ZNF618: variants seen among roughly 807,000 people sequenced by gnomAD.
ZNF618 encodes the protein neural precursor cell expressed, developmentally down-regulated 10.
ZNF618 carries 34 observed loss-of-function variants against 103.0 expected under a neutral mutation model. The observed-to-expected ratio is 0.33, with a 90% CI of 0.25 to 0.44. The LOEUF (loss-of-function observed/expected upper bound fraction) is 0.44. Among genes scored for constraint, ZNF618 ranks in the 20% least tolerant of loss-of-function variants. ZNF618 has a pLI of 1.00. For missense variants in ZNF618, 1,059 were observed against 1,295.4 expected (o/e 0.82, Z 2.80); for synonymous variants, 551 against 542.2 (o/e 1.02, Z -0.23).
chr9:114,026,224 A>G (rs543234073), intron 10 of ZNF618, among the ~76,000 whole-genome samples: 1 of 152,338 alleles, frequency 6.6e-6, no homozygotes, highest in East Asian at 1.9e-4. Flanking sequence ...TTGAAAGAGA[A>G]AGGATATTGT....
intron 9 of ZNF618, 28 bp from the exon 10 acceptor site, chr9:114,016,667 C>G: frequency 1.2e-6 from 2 of 1,602,456 alleles, no homozygotes. Context: ...GTTGCACATT[C>G]TTACACCTTC....
At chr9:114,021,490 C>G (rs1479076162) in intron 10 of ZNF618, among the ~76,000 whole-genome samples, 1 of 152,074 alleles carries the variant, frequency 6.6e-6, no homozygotes, top group African/African-American at 2.4e-5. Context: ...CTAGGATTAG[C>G]AGAATGCCTA....
chr9:113,960,879 G>A (rs2132562457), intron 1 of ZNF618, among the ~76,000 whole-genome samples: 1 of 152,204 alleles, frequency 6.6e-6, no homozygotes, highest in African/African-American at 2.4e-5. Context: ...CTCTGGCCTT[G>A]GGGTCTAGTC....
intron 1 of ZNF618, among the ~76,000 whole-genome samples, chr9:113,926,471 T>G (rs1833107584): frequency 6.6e-6 from 1 of 152,126 alleles, no homozygotes; most frequent in Non-Finnish European, 1.5e-5. Flanking sequence ...CTTCTGTTTT[T>G]TCTTTCTTTT....
intron 2 of ZNF618, among the ~76,000 whole-genome samples, chr9:113,981,463 G>C (rs1838969518): frequency 6.6e-6 from 1 of 152,206 alleles, no homozygotes; most frequent in African/African-American, 2.4e-5. Context: ...GGGGTAGGCA[G>C]CCAGCCCAGG....
rs373784372 is a variant in ZNF618, at chr9:113,952,299, T to C, written c.34-16818T>C. 9.8e-5 allele frequency among the ~76,000 whole-genome samples: 15 copies of C among 152,310 alleles called. 1 individual carries two copies. The highest frequency in any genetic ancestry group is 3.6e-4 in the African/African-American group (15 of 41,568). On this transcript the variant is annotated intron_variant, in intron 1 of 14. Coordinates refer to ENST00000374126, the MANE Select transcript of ZNF618 (RefSeq NM_001318042.2). Reference sequence around the variant, plus strand: ...TGGGATCTTCCAGAAGGATCCAGAATTGGAATATCCTGGCAAGGAATACCA... The same window carrying C: ...TGGGATCTTCCAGAAGGATCCAGAACTGGAATATCCTGGCAAGGAATACCA...
Position 114,036,224 on chromosome 9 carries a change from A to G in ZNF618, c.1169-76A>G, listed in dbSNP as rs1844588025. 11 of 1,442,112 alleles carry G rather than the reference A, an allele frequency of 7.6e-6. No individual in the cohort carries two copies. The South Asian group carries it at 1.4e-4, about 18-fold the overall frequency. 89.3% of individuals were successfully genotyped at this position (1,442,112 alleles called of 1,614,324 possible). A position where few individuals can be genotyped will look rare whatever the true frequency, so the allele number is the denominator to read the frequency against. On this transcript the variant is annotated intron_variant, in intron 12 of 14. Transcript: ENST00000374126. ...GGTGTGTGTTTGGGTTCCCACTTGC[A>G]AAGCTGCCTGCAGCCCAGCAGAAGG...
intron 13 of ZNF618, 105 bp from the exon 14 acceptor site, chr9:114,047,788 C>A: frequency 1.1e-6 from 1 of 925,008 alleles, no homozygotes; most frequent in Non-Finnish European, 1.7e-6. Flanking sequence ...GCCTGAGTCC[C>A]AATGGCCACA....
intron 2 of ZNF618, among the ~76,000 whole-genome samples, chr9:113,986,954 T>A (rs1477910225): frequency 6.6e-6 from 1 of 152,122 alleles, no homozygotes; most frequent in African/African-American, 2.4e-5. Context: ...GCAAGCCCAT[T>A]GTAGATGGAG....
chr9:113,988,291 A>G lies in ZNF618; in HGVS notation c.78-30A>G, dbSNP rs1171530611. 4.4e-6 allele frequency: 7 copies of G among 1,591,644 alleles called. No individual in the cohort carries two copies. The African/African-American group carries it at 5.4e-5, about 12-fold the overall frequency. ...GCTCCTGTGTTGATCTGGAGGAAGAAGGTATTGAACGGAGTTTCTTCTTTC... is the reference window on the plus strand; with the variant it reads ...GCTCCTGTGTTGATCTGGAGGAAGAGGGTATTGAACGGAGTTTCTTCTTTC... On this transcript the variant is annotated intron_variant, in intron 2 of 14. Transcript: ENST00000374126.
intron 3 of ZNF618, among the ~76,000 whole-genome samples, chr9:113,994,732 A>G (rs561747304): frequency 4.6e-5 from 7 of 152,348 alleles, no homozygotes; most frequent in African/African-American, 1.4e-4. Flanking sequence ...GAACCTCAGG[A>G]CATTGATGCC....
At chr9:113,950,835 A>G (rs556177228) in intron 1 of ZNF618, among the ~76,000 whole-genome samples, 1 of 151,796 alleles carries the variant, frequency 6.6e-6, no homozygotes, top group Admixed American at 6.6e-5. Flanking sequence ...GATGTCTAGG[A>G]TGAGAGTTAA....
At chr9:114,000,010 A>C (rs1225735266) in intron 4 of ZNF618, among the ~76,000 whole-genome samples, 1 of 152,228 alleles carries the variant, frequency 6.6e-6, no homozygotes, top group Non-Finnish European at 1.5e-5. Flanking sequence ...GCTGTGTGCC[A>C]ATCACAGGGC....
At chr9:113,988,651 G>A in intron 3 of ZNF618, 71 bp downstream of exon 3, 1 of 1,500,554 alleles carries the variant, frequency 6.7e-7, no homozygotes, top group Non-Finnish European at 8.9e-7. Context: ...CTGGGGAAAA[G>A]CGGCCTGGCG....
At chr9:113,950,118 T>G (rs943799956) in intron 1 of ZNF618, among the ~76,000 whole-genome samples, 40 of 152,324 alleles carry the variant, frequency 2.6e-4, no homozygotes, top group African/African-American at 9.6e-4. Context: ...AGAAAGAGGC[T>G]TCAAAATCTC....
chr9:113,959,759 C>T (rs1271849118), intron 1 of ZNF618, among the ~76,000 whole-genome samples: 1 of 152,178 alleles, frequency 6.6e-6, no homozygotes, highest in African/African-American at 2.4e-5. Context: ...AGGAGTCCAC[C>T]ACCATGCCTG....
chr9:114,012,102 C>CCT (rs59023503), intron 9 of ZNF618, among the ~76,000 whole-genome samples: 147,621 of 152,204 alleles, frequency 0.97, 71,693 homozygotes, highest in Non-Finnish European at 1. Context: ...GAAGAGAACA[C>CCT]CTGAAAATGA....
intron 6 of ZNF618, among the ~76,000 whole-genome samples, chr9:114,003,020 G>T (rs931802309): frequency 2.0e-5 from 3 of 152,186 alleles, no homozygotes; most frequent in Admixed American, 1.3e-4. Context: ...ATCTCCCATG[G>T]GTGCCCTGGA....
rs1382756553 is a variant in ZNF618 at position 114,055,442 on chromosome 9, G to A, written c.*5275G>A. 2.0e-5 allele frequency: 3 copies of A among 152,628 alleles called. No homozygotes were observed. The highest frequency in any genetic ancestry group is 1.3e-4 in the Admixed American group (2 of 15,286). 9.5% of individuals were successfully genotyped at this position (152,628 alleles called of 1,614,324 possible). ...AGGAAATCATTTTGTACAACCACCC[G>A]AAGCAGAGATATTTTTTAAGAAGCG... On this transcript the variant is annotated 3_prime_UTR_variant, in exon 15 of 15. Coordinates refer to ENST00000374126, the MANE Select transcript of ZNF618 (RefSeq NM_001318042.2).
Sources: allele counts gnomAD v4.1 joint callset (sites outside exome capture counted in the v4.1 genomes callset), GRCh38; gene constraint gnomAD v4.1.1; transcripts MANE v1.5; gene names NCBI Gene and HGNC (gene_info 2026-07-23, HGNC 2026-07-21).